Variants in TULP4 observed in about 807,000 individuals in gnomAD.
TULP4 encodes the protein tubby-related protein 4.
Under a neutral mutation model 129.0 loss-of-function variants are expected in TULP4, and 16 were observed. That is an observed-to-expected ratio of 0.12 (90% confidence interval 0.08 to 0.19). The LOEUF (loss-of-function observed/expected upper bound fraction) is 0.19, where lower values mean the gene tolerates loss of function less well. TULP4 is among the 10% of genes least tolerant of loss of function. The pLI is 1.00. For missense variants in TULP4, 1,842 were observed against 2,059.1 expected, an observed-to-expected ratio of 0.89 and a Z score of 2.04; for synonymous variants, 998 against 854.0, an observed-to-expected ratio of 1.17 and a Z score of -2.94.
chr6:158,382,870 A>T (rs1009143085), intron 1 of TULP4, among the ~76,000 whole-genome samples: 1 of 152,244 alleles, frequency 6.6e-6, no homozygotes, highest in African/African-American at 2.4e-5. Context: ...GCAAGGGTTG[A>T]CATATTAATT....
intron 1 of TULP4, among the ~76,000 whole-genome samples, chr6:158,315,415 C>A (rs1373726936): frequency 1.3e-5 from 2 of 152,086 alleles, no homozygotes; most frequent in Non-Finnish European, 2.9e-5. Flanking sequence ...CCTCTTATTA[C>A]CATCACCTAG....
chr6:158,497,148 C>T (rs1012818164), intron 11 of TULP4, among the ~76,000 whole-genome samples: 2 of 152,214 alleles, frequency 1.3e-5, no homozygotes, highest in Non-Finnish European at 2.9e-5. Context: ...CTACCATGCT[C>T]ATCCTGATCT....
chr6:158,344,617 T>A (rs1382642983), intron 1 of TULP4, among the ~76,000 whole-genome samples: 1 of 152,224 alleles, frequency 6.6e-6, no homozygotes, highest in Non-Finnish European at 1.5e-5. Flanking sequence ...AAGACAGTGA[T>A]CTTAGTAAAT....
At chr6:158,384,302 T>TC (rs56061633) in intron 1 of TULP4, among the ~76,000 whole-genome samples, 5,266 of 151,278 alleles carry the variant, frequency 0.035, 104 homozygotes, top group Non-Finnish European at 0.039. Flanking sequence ...TTTTTTTTTT[T>TC]CTTGAGACAG....
At chr6:158,339,047 G>C (rs1451034665) in intron 1 of TULP4, among the ~76,000 whole-genome samples, 1 of 152,194 alleles carries the variant, frequency 6.6e-6, no homozygotes, top group South Asian at 2.1e-4. Flanking sequence ...ACACATTGGT[G>C]TGCCAGATAT....
chr6:158,506,893 C>A lies in TULP4; in HGVS notation c.*199C>A. 1 of 570,052 alleles carries A rather than the reference C, an allele frequency of 1.8e-6. No homozygotes were observed. The highest frequency in any genetic ancestry group is 2.1e-5 in the South Asian group (1 of 47,288). 35.3% of individuals were successfully genotyped at this position (570,052 alleles called of 1,614,324 possible). On this transcript the variant is annotated 3_prime_UTR_variant, in exon 14 of 14. Transcript: ENST00000367097. ...GTTGGGTTTTATTACCTTTTATTGTCTGTTCTTCTTTTCTTCTTTCATTTC... is the reference window on the plus strand; with the variant it reads ...GTTGGGTTTTATTACCTTTTATTGTATGTTCTTCTTTTCTTCTTTCATTTC...
intron 1 of TULP4, among the ~76,000 whole-genome samples, chr6:158,380,798 G>C (rs912879798): frequency 2.1e-5 from 3 of 145,618 alleles, no homozygotes; most frequent in African/African-American, 7.8e-5. Context: ...GAAGGCTGAG[G>C]CAAGAGAATT....
At chr6:158,497,426 C>A (rs1213998140) in intron 11 of TULP4, among the ~76,000 whole-genome samples, 2 of 152,116 alleles carry the variant, frequency 1.3e-5, no homozygotes, top group Non-Finnish European at 2.9e-5. Context: ...GAATTTTTGG[C>A]ATTTTAACAA....
chr6:158,302,865 G>T (rs1779154640), intron 1 of TULP4, among the ~76,000 whole-genome samples: 1 of 151,794 alleles, frequency 6.6e-6, no homozygotes, highest in African/African-American at 2.4e-5. Context: ...GTGGAGATTG[G>T]CATGATATAA....
rs189534358 is a variant in TULP4, at chr6:158,393,654, C to T, written c.253-19411C>T. Among the ~76,000 whole-genome samples the T allele has an allele frequency of 2.0e-5, 3 of 152,328 alleles. No homozygotes were observed. The East Asian group carries it at 5.8e-4, about 29-fold the overall frequency. ...TCTGAAGCAACAGCCTGAGCTGTAC[C>T]TTGGCCCCTTTTAGCTACAACTGGA... On this transcript the variant is annotated intron_variant, in intron 1 of 13. Coordinates refer to ENST00000367097, the MANE Select transcript of TULP4 (RefSeq NM_020245.5).
intron 8 of TULP4, among the ~76,000 whole-genome samples, chr6:158,487,726 A>C (rs1423905163): frequency 6.6e-6 from 1 of 152,284 alleles, no homozygotes; most frequent in African/African-American, 2.4e-5. Flanking sequence ...CTGATGACAG[A>C]CGTCAGAGTG....
intron 1 of TULP4, among the ~76,000 whole-genome samples, chr6:158,366,507 C>T (rs1780967955): frequency 6.6e-6 from 1 of 152,216 alleles, no homozygotes; most frequent in African/African-American, 2.4e-5. Flanking sequence ...CCACAGACCT[C>T]TTTTCAGTTT....
chr6:158,447,286 A>G (rs1322082469), intron 3 of TULP4, among the ~76,000 whole-genome samples: 1 of 150,656 alleles, frequency 6.6e-6, no homozygotes, highest in South Asian at 2.1e-4. Flanking sequence ...TCAGATAGTA[A>G]TTTTTTTTTT....
chr6:158,312,031 C>CTT (rs11418809), upstream of TULP4: 170,247 of 371,596 alleles, frequency 0.46, 23,682 homozygotes, highest in African/African-American at 0.6. Flanking sequence ...AATTTTATAT[C>CTT]TTTTTTTTTT....
chr6:158,328,383 T>C (rs956176136), intron 1 of TULP4, among the ~76,000 whole-genome samples: 1 of 152,090 alleles, frequency 6.6e-6, no homozygotes, highest in Non-Finnish European at 1.5e-5. Flanking sequence ...TTGACAGAGC[T>C]GAAATTGAAC....
chr6:158,482,340 C>T (rs1225944141), intron 8 of TULP4, among the ~76,000 whole-genome samples: 1 of 152,212 alleles, frequency 6.6e-6, no homozygotes, highest in Non-Finnish European at 1.5e-5. Flanking sequence ...TGCCTGCCAG[C>T]CTTCATTTGT....
intron 8 of TULP4, 96 bp from the exon 9 acceptor site, chr6:158,489,492 G>T: frequency 1.1e-5 from 16 of 1,462,574 alleles, no homozygotes; most frequent in Non-Finnish European, 1.5e-5. Context: ...ATGATGGCCT[G>T]TGGAGTCCGT....
chr6:158,285,070 G>A (rs1320007076), intron 1 of TULP4, among the ~76,000 whole-genome samples: 3 of 152,240 alleles, frequency 2.0e-5, no homozygotes, highest in South Asian at 4.1e-4. Context: ...GATTGTTCAA[G>A]CCCTACACAG....
chr6:158,290,484 G>GT (rs1778917937), intron 1 of TULP4, among the ~76,000 whole-genome samples: 1 of 152,116 alleles, frequency 6.6e-6, no homozygotes, highest in East Asian at 1.9e-4. Context: ...TTCGTTGATT[G>GT]TTTCCTTTGC....
Sources: gnomAD v4.1 joint callset for allele counts (sites outside exome capture counted in the v4.1 genomes callset) on GRCh38, gnomAD v4.1.1 for gene constraint, MANE v1.5 for transcripts, NCBI Gene and HGNC (gene_info 2026-07-23, HGNC 2026-07-21) for gene names.